Variants in SDK1 observed in about 807,000 individuals in gnomAD.
SDK1 encodes the protein sidekick cell adhesion molecule 1.
A neutral mutation model predicts 245.5 loss-of-function variants in SDK1; 157 were observed. The observed-to-expected ratio is 0.64, with a 90% CI of 0.56 to 0.73. SDK1 has a LOEUF of 0.73. SDK1 is among the 30% of genes least tolerant of loss of function. SDK1 has a pLI of 0.00. For missense variants in SDK1, 3,583 were observed against 3,002.3 expected (o/e 1.19, Z -4.52); for synonymous variants, 1,647 against 1,278.5 (o/e 1.29, Z -6.15).
chr7:3,650,271 C>T (rs1782970151), intron 4 of SDK1, among the ~76,000 whole-genome samples: 1 of 152,138 alleles, frequency 6.6e-6, no homozygotes, highest in Non-Finnish European at 1.5e-5. Flanking sequence ...AGTCCATTCA[C>T]AGTGTTGTGC....
chr7:3,917,730 A>T lies in SDK1; in HGVS notation c.848-33193A>T, dbSNP rs111505808. Among the ~76,000 whole-genome samples the T allele has an allele frequency of 4.7e-3, 709 of 152,274 alleles. 7 individuals carry two copies. Among genetic ancestry groups the T allele is most frequent in the African/African-American group, 0.016 (675 of 41,550 alleles). Reference sequence around the variant, plus strand: ...TTTCCAGAGCCCACAAGGAGGAAAAACTGAGACTTCCTAGACATGAATTTC... The same window carrying T: ...TTTCCAGAGCCCACAAGGAGGAAAATCTGAGACTTCCTAGACATGAATTTC... On this transcript the variant is annotated intron_variant, in intron 5 of 44. Coordinates refer to ENST00000404826, the MANE Select transcript of SDK1 (RefSeq NM_152744.4).
Position 3,379,254 on chromosome 7 carries a change from A to G in SDK1, c.298+77370A>G, listed in dbSNP as rs115154043. On this transcript the variant is annotated intron_variant, in intron 1 of 44. Transcript: ENST00000404826. Reference sequence around the variant, plus strand: ...AGACCTGTCACGATGGAGCTTATGTATGGTCTTGTTGGGGAGACAGGCATT... The same window carrying G: ...AGACCTGTCACGATGGAGCTTATGTGTGGTCTTGTTGGGGAGACAGGCATT... Among the ~76,000 whole-genome samples the G allele has an allele frequency of 1.3e-3, 201 of 152,260 alleles. 4 individuals are homozygous for G. The highest frequency in any genetic ancestry group is 4.7e-3 in the African/African-American group (195 of 41,550).
rs537244132 is a variant in SDK1 at position 3,546,282 on chromosome 7, G to C, written c.299-72798G>C. Among the ~76,000 whole-genome samples, 15 of 152,074 alleles carry C rather than the reference G, an allele frequency of 9.9e-5. No individual in the cohort carries two copies. The South Asian group carries it at 1.2e-3, about 13-fold the overall frequency. ...AGGAAAGGGCACTGGAAACAGAAAAGCATGGGTGTGAATCCTCCATGCTCC... is the reference window on the plus strand; with the variant it reads ...AGGAAAGGGCACTGGAAACAGAAAACCATGGGTGTGAATCCTCCATGCTCC... On this transcript the variant is annotated intron_variant, in intron 1 of 44. Transcript: ENST00000404826.
intron 5 of SDK1, among the ~76,000 whole-genome samples, chr7:3,855,299 G>C (rs895342803): frequency 6.6e-6 from 1 of 151,866 alleles, no homozygotes; most frequent in Admixed American, 6.6e-5. Context: ...CCATGAAAGA[G>C]AGACACCCAC....
intron 4 of SDK1, among the ~76,000 whole-genome samples, chr7:3,646,765 G>A (rs1485470307): frequency 6.6e-6 from 1 of 152,178 alleles, no homozygotes; most frequent in Non-Finnish European, 1.5e-5. Context: ...GCATAGAGGG[G>A]TTGAAAAGTG....
At chr7:3,941,118 G>A (rs1309660872) in intron 5 of SDK1, among the ~76,000 whole-genome samples, 1 of 152,052 alleles carries the variant, frequency 6.6e-6, no homozygotes, top group Non-Finnish European at 1.5e-5. Flanking sequence ...CCACCAAGCA[G>A]CTCAAGCGAG....
intron 1 of SDK1, among the ~76,000 whole-genome samples, chr7:3,478,946 A>C (rs1005567088): frequency 6.6e-6 from 1 of 152,178 alleles, no homozygotes; most frequent in African/African-American, 2.4e-5. Context: ...GATTATTTAG[A>C]AATGTGTTTT....
rs541849240 is a variant in SDK1, at chr7:3,518,671, CAAAA to C, written c.299-100403_299-100400del. Among the ~76,000 whole-genome samples, 610 of 149,590 alleles carry C rather than the reference CAAAA, an allele frequency of 4.1e-3. 7 individuals are homozygous for C. The highest frequency in any genetic ancestry group is 0.014 in the African/African-American group (575 of 40,742). ...GATAGGATGGCCATTATTAAAAAGA[CAAAA>C]AAAAACATGCTGGCAATGATACGGA... On this transcript the variant is annotated intron_variant, in intron 1 of 44. Transcript: ENST00000404826.
intron 5 of SDK1, among the ~76,000 whole-genome samples, chr7:3,922,158 G>T (rs1159411754): frequency 6.6e-6 from 1 of 152,170 alleles, no homozygotes; most frequent in East Asian, 1.9e-4. Context: ...GCTGACGGTA[G>T]TCTCTGCCTT....
chr7:3,898,019 G>A lies in SDK1; in HGVS notation c.848-52904G>A, dbSNP rs749271092. ...GCACAGTACACTGACCCAGGAAGCC[G>A]CCGTGTGCACACACACCCCAATCAA... On this transcript the variant is annotated intron_variant, in intron 5 of 44. Transcript: ENST00000404826. 3.3e-5 allele frequency among the ~76,000 whole-genome samples: 5 copies of A among 151,874 alleles called. No homozygotes were observed. In the East Asian group the frequency reaches 7.7e-4, roughly 23 times the overall value.
chr7:3,511,888 A>T (rs1782591981), intron 1 of SDK1, among the ~76,000 whole-genome samples: 1 of 147,238 alleles, frequency 6.8e-6, no homozygotes, highest in African/African-American at 2.5e-5. Context: ...CTGCCCCTGC[A>T]CGTGCACAGC....
rs201011937 is a variant in SDK1 at position 3,660,752 on chromosome 7, C to T, written c.713+18647C>T. Among the ~76,000 whole-genome samples, 423 of 152,352 alleles carry T rather than the reference C, an allele frequency of 2.8e-3. 3 individuals carry two copies. Among genetic ancestry groups the T allele is most frequent in the South Asian group, 7.9e-3 (38 of 4,824 alleles). ...TGTTTTAGTGCTTGGTCTTTGTCAT[C>T]GCTGACGGAACTGCACTGTTTTACC... On this transcript the variant is annotated intron_variant, in intron 4 of 44. Transcript: ENST00000404826.
chr7:3,753,491 C>A (rs180733115), intron 4 of SDK1, among the ~76,000 whole-genome samples: 1 of 152,256 alleles, frequency 6.6e-6, no homozygotes, highest in East Asian at 1.9e-4. Context: ...TAGCCCATTG[C>A]AAGAAAGAAA....
chr7:3,726,833 T>C (rs1779023251), intron 4 of SDK1, among the ~76,000 whole-genome samples: 1 of 152,200 alleles, frequency 6.6e-6, no homozygotes, highest in South Asian at 2.1e-4. Context: ...CTCCCCCAAC[T>C]CTTCTCTTTA....
chr7:4,205,981 TC>T lies in SDK1; in HGVS notation c.5203del (p.Gln1735LysfsTer19). 6.4e-7 allele frequency: 1 copy of T among 1,550,422 alleles called. No homozygotes were observed. Among genetic ancestry groups the T allele is most frequent in the Non-Finnish European group, 8.7e-7 (1 of 1,146,788 alleles). On this transcript the variant is annotated frameshift_variant, in exon 36 of 45. Transcript: ENST00000404826. LOFTEE classifies it high-confidence loss of function. ...CCCCCGGAGAGCCAGAATGGGAACA[TC>T]CAAGGCTACAAGGCAAGGCCCTCCC... The part of the protein sequence containing the change: ...PPPPESQNGN[I>X]QGYKIYYWEA...
intron 1 of SDK1, among the ~76,000 whole-genome samples, chr7:3,478,762 T>A (rs1781420913): frequency 6.6e-6 from 1 of 152,204 alleles, no homozygotes; most frequent in Non-Finnish European, 1.5e-5. Context: ...TCCTAATTGT[T>A]AAATTTGTTG....
intron 1 of SDK1, among the ~76,000 whole-genome samples, chr7:3,605,485 C>G (rs975878080): frequency 7.2e-5 from 11 of 152,198 alleles, no homozygotes; most frequent in African/African-American, 2.4e-4. Flanking sequence ...ATAATGTTGA[C>G]TTTTCCTTCT....
At chr7:3,388,519 G>T (rs147558289) in intron 1 of SDK1, among the ~76,000 whole-genome samples, 23 of 152,036 alleles carry the variant, frequency 1.5e-4, no homozygotes, top group Non-Finnish European at 2.9e-4. Flanking sequence ...CCCCATCTTA[G>T]CTTCCCAAAG....
chr7:4,127,694 A>G (rs73048324), intron 26 of SDK1, among the ~76,000 whole-genome samples, 198 bp downstream of exon 26: 4,583 of 152,380 alleles, frequency 0.03, 102 homozygotes, highest in Admixed American at 0.043. Context: ...CAGTATAACT[A>G]TGACACAAAT....
Sources: allele counts gnomAD v4.1 joint callset (sites outside exome capture counted in the v4.1 genomes callset), GRCh38; gene constraint gnomAD v4.1.1; transcripts MANE v1.5; gene names NCBI Gene and HGNC (gene_info 2026-07-23, HGNC 2026-07-21).